The following CBL variants were observed in gnomAD, a reference collection of about 807,000 sequenced individuals.
CBL encodes E3 ubiquitin-protein ligase CBL.
A neutral mutation model predicts 96.9 loss-of-function variants in CBL; 45 were observed. That is an observed-to-expected ratio of 0.46 (90% CI 0.37 to 0.60). The LOEUF is 0.60. CBL is among the 20% of genes least tolerant of loss of function. The pLI is 0.00. For synonymous variants in CBL, 420 were observed against 426.8 expected (o/e 0.98, Z 0.20); for missense variants, 1,024 against 1,143.5 (o/e 0.90, Z 1.51).
intron 2 of CBL, among the ~76,000 whole-genome samples, chr11:119,263,983 T>A (rs1331048562): frequency 1.3e-5 from 2 of 152,236 alleles, no homozygotes; most frequent in African/African-American, 4.8e-5. Context: ...ATAATTATCA[T>A]CATCTATATG....
At chr11:119,217,095 A>G (rs1207127480) in intron 1 of CBL, among the ~76,000 whole-genome samples, 1 of 152,196 alleles carries the variant, frequency 6.6e-6, no homozygotes, top group Admixed American at 6.5e-5. Flanking sequence ...AGATAGATTA[A>G]ACAAGCTACT....
Position 119,285,173 on chromosome 11 carries a change from C to A in CBL, c.1564-16C>A, listed in dbSNP as rs992126448. 1 of 1,613,874 alleles carries A rather than the reference C, an allele frequency of 6.2e-7. No homozygotes were observed. Among genetic ancestry groups the A allele is most frequent in the African/African-American group, 1.3e-5 (1 of 74,778 alleles). On this transcript the variant is annotated splice_polypyrimidine_tract_variant and intron_variant, in intron 10 of 15. Transcript: ENST00000264033. The stretch of plus-strand genomic sequence containing the variant: ...TAGTGGGTTTTTACTGATTTGCTTT[C>A]ACCCTGCTTCCACAGGCTGCTTCTG...
Position 119,297,051 on chromosome 11 carries a change from C to T in CBL, c.2153+17C>T, listed in dbSNP as rs372238113. 1 of 1,303,978 alleles carries T rather than the reference C, an allele frequency of 7.7e-7. No individual in the cohort carries two copies. Among genetic ancestry groups the T allele is most frequent in the African/African-American group, 1.4e-5 (1 of 68,992 alleles). The allele number at this position is 1,303,978 out of a possible 1,614,324, so 80.8% of individuals were successfully genotyped here. A position where few individuals can be genotyped will look rare whatever the true frequency, so the allele number is the denominator to read the frequency against. On this transcript the variant is annotated intron_variant, in intron 13 of 15. Coordinates refer to ENST00000264033, the MANE Select transcript of CBL (RefSeq NM_005188.4). Reference sequence around the variant, plus strand: ...GAGTTCACGGTAGGTTCACAACAACCCTTTTTGGGCCCTATACCTTTATGT... The same window carrying T: ...GAGTTCACGGTAGGTTCACAACAACTCTTTTTGGGCCCTATACCTTTATGT...
intron 12 of CBL, among the ~76,000 whole-genome samples, chr11:119,288,759 T>C (rs1380202605): frequency 6.6e-6 from 1 of 152,162 alleles, no homozygotes; most frequent in East Asian, 1.9e-4. Flanking sequence ...TAATGAATAC[T>C]GTATTTTTGA....
chr11:119,278,710 C>G lies in CBL; in HGVS notation c.1428C>G (p.Ala476=). The change falls in exon 9 of 16, where the codon GCC becomes GCG. Residue 476 remains alanine, a synonymous_variant. Transcript: ENST00000264033. ...TCATGATGAAGGAATTGGCTGGTGCCAAGGTAAGATGGCAGTTTAGGAGAC... is the reference window on the plus strand; with the variant it reads ...TCATGATGAAGGAATTGGCTGGTGCGAAGGTAAGATGGCAGTTTAGGAGAC... The part of the protein sequence containing the change: ...TLFMMKELAG[A]KVERPPSPFS... 1 of 1,613,598 alleles carries G rather than the reference C, an allele frequency of 6.2e-7. No individual in the cohort carries two copies. Among genetic ancestry groups the G allele is most frequent in the Non-Finnish European group, 8.5e-7 (1 of 1,179,736 alleles).
At chr11:119,280,583 T>C (rs1190365702) in intron 9 of CBL, among the ~76,000 whole-genome samples, 9 of 152,152 alleles carry the variant, frequency 5.9e-5, no homozygotes, top group Non-Finnish European at 1.5e-5. Flanking sequence ...TTATAGTTGG[T>C]GAATGCACAT....
intron 1 of CBL, among the ~76,000 whole-genome samples, chr11:119,207,620 G>T (rs1949282297): frequency 6.6e-6 from 1 of 152,186 alleles, no homozygotes; most frequent in Non-Finnish European, 1.5e-5. Flanking sequence ...ATGATGAAAT[G>T]TAGTCAGTCT....
intron 1 of CBL, among the ~76,000 whole-genome samples, chr11:119,211,565 G>A (rs1949319493): frequency 6.6e-6 from 1 of 151,650 alleles, no homozygotes. Flanking sequence ...GGAGTGCAAT[G>A]GCATCTCAGC....
In CBL at chr11:119,286,400, C is replaced by T. The variant is rs374106788; in HGVS notation, c.1941+834C>T. 5.3e-5 allele frequency among the ~76,000 whole-genome samples: 8 copies of T among 152,178 alleles called. No homozygotes were observed. The East Asian group carries it at 9.6e-4, about 18-fold the overall frequency. The stretch of plus-strand genomic sequence containing the variant: ...CCATTTGTAATCTAACTAGAAAACA[C>T]TTAAGTTTTAGAGAAATAAGAGGTT... On this transcript the variant is annotated intron_variant, in intron 11 of 15. Transcript: ENST00000264033.
intron 2 of CBL, among the ~76,000 whole-genome samples, chr11:119,246,473 T>C (rs571422500): frequency 9.2e-5 from 14 of 151,798 alleles, no homozygotes; most frequent in Non-Finnish European, 1.3e-4. Context: ...TCTTTTGAGA[T>C]GGGAGTCTTG....
At chr11:119,299,032 C>T (rs531096968) in intron 15 of CBL, among the ~76,000 whole-genome samples, 1 of 152,346 alleles carries the variant, frequency 6.6e-6, no homozygotes, top group East Asian at 1.9e-4. Context: ...AGACAGCCTT[C>T]AGGACAGACA....
intron 9 of CBL, among the ~76,000 whole-genome samples, chr11:119,278,997 T>C (rs975212464): frequency 3.3e-5 from 5 of 152,212 alleles, no homozygotes; most frequent in African/African-American, 9.6e-5. Context: ...AGCTAGTAGG[T>C]TGAAGCATCT....
intron 12 of CBL, among the ~76,000 whole-genome samples, chr11:119,294,312 C>G (rs1192844787): frequency 6.6e-6 from 1 of 151,516 alleles, no homozygotes; most frequent in African/African-American, 2.4e-5. Flanking sequence ...GCCTGTACTC[C>G]CAGCTACTTG....
At chr11:119,254,161 T>A (rs1422715559) in intron 2 of CBL, among the ~76,000 whole-genome samples, 1 of 152,096 alleles carries the variant, frequency 6.6e-6, no homozygotes, top group African/African-American at 2.4e-5. Context: ...CTAGCCTGTG[T>A]AATAGCAAGA....
In CBL at chr11:119,243,824, G is replaced by T. The variant is rs1042722573; in HGVS notation, c.443+11129G>T. Among the ~76,000 whole-genome samples the T allele has an allele frequency of 2.0e-5, 3 of 152,228 alleles. No individual in the cohort carries two copies. In the South Asian group the frequency reaches 6.2e-4, roughly 32 times the overall value. On this transcript the variant is annotated intron_variant, in intron 2 of 15. Transcript: ENST00000264033. ...GCTCATTGCAGCCTCAGCCTCCCAG[G>T]TTCGAGCAATTCTCTTGCCTTAGCC... is the stretch of plus-strand genomic sequence containing the variant.
intron 2 of CBL, among the ~76,000 whole-genome samples, chr11:119,270,673 C>A (rs1475042777): frequency 6.6e-6 from 1 of 151,160 alleles, no homozygotes; most frequent in African/African-American, 2.4e-5. Context: ...GTCTCGATCT[C>A]CTGACCTCGT....
Position 119,296,989 on chromosome 11 carries a change from C to T in CBL, c.2108C>T (p.Pro703Leu), listed in dbSNP as rs368798262. 10 of 1,611,572 alleles carry T rather than the reference C, an allele frequency of 6.2e-6. No individual in the cohort carries two copies. The highest frequency in any genetic ancestry group is 1.1e-5 in the South Asian group (1 of 91,042). ...GAAGAGGACACAGAGTACATGACTC[C>T]CTCTTCCAGGCCTCTACGGCCTTTG... Reference protein sequence around the residue: ...EGEEDTEYMTPSSRPLRPLDT... With the variant: ...EGEEDTEYMTLSSRPLRPLDT... Residue 703 changes from proline (P) to leucine (L), a missense_variant, in exon 13 of 16, where the codon CCC (proline) becomes CTC (leucine). Around this residue, in one of 4 missense-constraint regions of CBL, gnomAD observed 695 missense variants for 661.6 expected, o/e 1.05. Coordinates refer to ENST00000264033, the MANE Select transcript of CBL (RefSeq NM_005188.4).
intron 2 of CBL, among the ~76,000 whole-genome samples, chr11:119,262,082 G>C (rs1261594856): frequency 1.3e-5 from 2 of 152,168 alleles, no homozygotes; most frequent in Non-Finnish European, 2.9e-5. Flanking sequence ...AACATTTTCA[G>C]TGATACCATG....
chr11:119,287,047 TC>T (rs1038714811), intron 11 of CBL, among the ~76,000 whole-genome samples: 10 of 152,090 alleles, frequency 6.6e-5, no homozygotes, highest in Admixed American at 6.6e-4. Flanking sequence ...GGGAGATTAT[TC>T]CAGGATGAAG....
Sources: allele counts gnomAD v4.1 joint callset (sites outside exome capture counted in the v4.1 genomes callset), GRCh38; gene constraint gnomAD v4.1.1; regional missense constraint gnomAD v4.1.1; transcripts MANE v1.5; gene names NCBI Gene and HGNC (gene_info 2026-07-23, HGNC 2026-07-21).